CSMD1: variants seen among roughly 807,000 people sequenced by gnomAD.
CSMD1 encodes the protein CUB and Sushi multiple domains 1.
Under a neutral mutation model 417.5 loss-of-function variants are expected in CSMD1, and 213 were observed. The observed-to-expected ratio is 0.51, with a 90% CI of 0.46 to 0.57. The LOEUF is 0.57. Among genes scored for constraint, CSMD1 ranks in the 20% least tolerant of loss-of-function variants. The probability of loss-of-function intolerance (pLI) is 0.00; values close to 1 mark genes in which losing one functional copy is unlikely to be tolerated. For missense variants in CSMD1, 6,923 were observed against 4,529.7 expected (o/e 1.53, Z -15.17); for synonymous variants, 2,862 against 1,736.8 (o/e 1.65, Z -16.11).
At chr8:4,098,421 T>C (rs1167101677) in intron 3 of CSMD1, among the ~76,000 whole-genome samples, 1 of 152,116 alleles carries the variant, frequency 6.6e-6, no homozygotes, top group Non-Finnish European at 1.5e-5. Flanking sequence ...TTCAGGGTCA[T>C]GTTACATAAT....
chr8:4,634,743 A>G (rs1276896289), intron 2 of CSMD1, among the ~76,000 whole-genome samples: 1 of 152,190 alleles, frequency 6.6e-6, no homozygotes, highest in African/African-American at 2.4e-5. Flanking sequence ...AGAATTTGCT[A>G]CTATTTATAA....
chr8:4,210,562 AAC>A (rs1296067344), intron 3 of CSMD1, among the ~76,000 whole-genome samples: 9 of 152,334 alleles, frequency 5.9e-5, no homozygotes, highest in South Asian at 4.1e-4. Flanking sequence ...ACAAATAGGA[AAC>A]ACAATATCTG....
intron 5 of CSMD1, among the ~76,000 whole-genome samples, chr8:3,828,881 C>G (rs970712516): frequency 6.6e-6 from 1 of 152,148 alleles, no homozygotes; most frequent in Non-Finnish European, 1.5e-5. Flanking sequence ...CTCACATCAC[C>G]AACCCCATGT....
chr8:4,234,137 A>G (rs1382729010), intron 3 of CSMD1, among the ~76,000 whole-genome samples: 1 of 152,190 alleles, frequency 6.6e-6, no homozygotes, highest in African/African-American at 2.4e-5. Context: ...ATGGAAGATT[A>G]TTCTTCATAG....
At chr8:3,520,700 C>T (rs75853915) in intron 10 of CSMD1, among the ~76,000 whole-genome samples, 2,568 of 152,148 alleles carry the variant, frequency 0.017, 36 homozygotes, top group Non-Finnish European at 0.026. Flanking sequence ...TTTCTACCTT[C>T]TGCTTGTTGC....
Position 4,167,274 on chromosome 8 carries a change from G to C in CSMD1, c.416-135175C>G, listed in dbSNP as rs182531337. ...GTGAGAAAAACAGTTTTTCCTTGCA[G>C]TTTAGAAAATTCGTGTCTATAACAG... On this transcript the variant is annotated intron_variant, in intron 3 of 69. Coordinates refer to ENST00000635120, the MANE Select transcript of CSMD1 (RefSeq NM_033225.6). 3.2e-4 allele frequency among the ~76,000 whole-genome samples: 49 copies of C among 152,158 alleles called. No individual in the cohort carries two copies. In the East Asian group the frequency reaches 7.2e-3, roughly 22 times the overall value.
chr8:3,214,562 G>A lies in CSMD1; in HGVS notation c.4802C>T (p.Ser1601Phe). 1 of 1,591,736 alleles carries A rather than the reference G, an allele frequency of 6.3e-7. No homozygotes were observed. Among genetic ancestry groups the A allele is most frequent in the Non-Finnish European group, 8.6e-7 (1 of 1,168,678 alleles). The change falls in exon 30 of 70, where the codon TCC (serine) becomes TTC (phenylalanine). Residue 1601 changes from serine to phenylalanine, a missense_variant. Transcript: ENST00000635120. Reference sequence around the variant, plus strand: ...ATCAGCCCCAATCACACAGGTGATGGATGAGGGGTCAAGAATCTTATAGCC... The same window carrying A: ...ATCAGCCCCAATCACACAGGTGATGAATGAGGGGTCAAGAATCTTATAGCC... Reference protein sequence around the residue: ...DSGYKILDPSSITCVIGADGK... With the variant: ...DSGYKILDPSFITCVIGADGK...
At chr8:4,447,293 G>A (rs1034714032) in intron 2 of CSMD1, among the ~76,000 whole-genome samples, 2 of 152,160 alleles carry the variant, frequency 1.3e-5, no homozygotes, top group Non-Finnish European at 2.9e-5. Flanking sequence ...GTCTGAGGCA[G>A]ACCGTGATCA....
At chr8:4,084,409 C>T (rs935675747) in intron 3 of CSMD1, among the ~76,000 whole-genome samples, 8 of 151,734 alleles carry the variant, frequency 5.3e-5, no homozygotes, top group Admixed American at 3.9e-4. Context: ...TTTTAAATTC[C>T]TAATTTTAAC....
chr8:4,616,965 T>A (rs1801504878), intron 2 of CSMD1, among the ~76,000 whole-genome samples: 1 of 92,538 alleles, frequency 1.1e-5, no homozygotes, highest in Non-Finnish European at 2.2e-5. Flanking sequence ...CCAAGCAGAT[T>A]TCTTTTTTTT....
At chr8:3,334,396 G>C (rs931618458) in intron 23 of CSMD1, among the ~76,000 whole-genome samples, 3 of 152,184 alleles carry the variant, frequency 2.0e-5, no homozygotes, top group Non-Finnish European at 4.4e-5. Context: ...TCGGTCCTGA[G>C]AGTGTATTCC....
In CSMD1 at chr8:4,751,081, C is replaced by T. The variant is rs74299164; in HGVS notation, c.86-113523G>A. On this transcript the variant is annotated intron_variant, in intron 1 of 69. Coordinates refer to ENST00000635120, the MANE Select transcript of CSMD1 (RefSeq NM_033225.6). The stretch of plus-strand genomic sequence containing the variant: ...CCAGGTAAAGTTTGATATACATGTG[C>T]ATCGTTAAAGAGAGCATGTCTGCCT... 7.9e-5 allele frequency among the ~76,000 whole-genome samples: 12 copies of T among 152,178 alleles called. No individual in the cohort carries two copies. In the East Asian group the frequency reaches 2.1e-3, roughly 27 times the overall value.
intron 10 of CSMD1, among the ~76,000 whole-genome samples, chr8:3,525,295 G>C (rs767865365): frequency 4.4e-4 from 67 of 152,134 alleles, no homozygotes; most frequent in Non-Finnish European, 5.7e-4. Flanking sequence ...AACAGACCAG[G>C]TTAAAAAGGA....
At chr8:4,522,521 T>C (rs1239348348) in intron 2 of CSMD1, among the ~76,000 whole-genome samples, 2 of 152,216 alleles carry the variant, frequency 1.3e-5, no homozygotes, top group East Asian at 1.9e-4. Context: ...GAGGTATCTT[T>C]TTAAATGAAG....
chr8:4,032,513 CT>C (rs1797401611), intron 3 of CSMD1, among the ~76,000 whole-genome samples: 1 of 152,144 alleles, frequency 6.6e-6, no homozygotes, highest in Non-Finnish European at 1.5e-5. Context: ...AGAGTGAATA[CT>C]CATACCCTAT....
rs114137775 is a variant in CSMD1, at chr8:3,063,424, G to A, written c.7475-10777C>T. ...AGGACTGTTAAACAATACAGCCACT[G>A]TTGATGACCTATGGTGGTTCCTCAA... is the stretch of plus-strand genomic sequence containing the variant. On this transcript the variant is annotated intron_variant, in intron 49 of 69. Transcript: ENST00000635120. 7.2e-3 allele frequency among the ~76,000 whole-genome samples: 1,095 copies of A among 152,312 alleles called. 18 individuals are homozygous for A. Among genetic ancestry groups the A allele is most frequent in the African/African-American group, 0.025 (1,029 of 41,568 alleles).
intron 3 of CSMD1, among the ~76,000 whole-genome samples, chr8:4,269,444 G>T (rs182267499): frequency 6.6e-6 from 1 of 152,098 alleles, no homozygotes; most frequent in Non-Finnish European, 1.5e-5. Context: ...TCTCTCTGAA[G>T]TTTAATCAAG....
intron 3 of CSMD1, among the ~76,000 whole-genome samples, chr8:4,106,792 T>C (rs6997742): frequency 0.21 from 32,147 of 152,082 alleles, 5,306 homozygotes; most frequent in African/African-American, 0.46. Context: ...CTGACGGCGA[T>C]GGTCTGGGAG....
intron 2 of CSMD1, among the ~76,000 whole-genome samples, chr8:4,621,051 T>C (rs1394437250): frequency 6.6e-6 from 1 of 152,064 alleles, no homozygotes; most frequent in Non-Finnish European, 1.5e-5. Flanking sequence ...TTATCATATA[T>C]TCGTCAGACC....
Sources: allele counts gnomAD v4.1 joint callset (sites outside exome capture counted in the v4.1 genomes callset), GRCh38; gene constraint gnomAD v4.1.1; transcripts MANE v1.5; gene names NCBI Gene and HGNC (gene_info 2026-07-23, HGNC 2026-07-21).